The following SLIT3 variants were observed in gnomAD, a reference collection of about 807,000 sequenced individuals.
SLIT3 encodes the protein slit guidance ligand 3.
Under a neutral mutation model 184.0 loss-of-function variants are expected in SLIT3, and 68 were observed. The observed-to-expected ratio is 0.37, with a 90% CI of 0.30 to 0.45. The LOEUF (loss-of-function observed/expected upper bound fraction) is 0.45, where lower values mean the gene tolerates loss of function less well. Ranked by LOEUF, SLIT3 falls within the 20% of genes least tolerant of loss-of-function variation. The pLI is 1.00. For missense variants in SLIT3, 1,707 were observed against 2,026.0 expected (o/e 0.84, Z 3.02); for synonymous variants, 831 against 828.6 (o/e 1.00, Z -0.05).
chr5:168,909,292 T>TA (rs902953088), intron 4 of SLIT3, among the ~76,000 whole-genome samples: 15 of 151,772 alleles, frequency 9.9e-5, no homozygotes, highest in Admixed American at 2.6e-4. Flanking sequence ...GCAAATTCTT[T>TA]AAAAAAAAAT....
chr5:168,848,625 G>A (rs1259330095), intron 5 of SLIT3, among the ~76,000 whole-genome samples: 1 of 152,128 alleles, frequency 6.6e-6, no homozygotes, highest in African/African-American at 2.4e-5. Flanking sequence ...CAAACAATAT[G>A]AGTGCTAAAA....
intron 3 of SLIT3, among the ~76,000 whole-genome samples, chr5:169,197,812 T>TAA (rs34341770): frequency 6.7e-5 from 10 of 148,358 alleles, no homozygotes; most frequent in East Asian, 3.9e-4. Flanking sequence ...AGCATAAAGG[T>TAA]AAAAAAAAAA....
chr5:169,119,219 T>C (rs549719949), intron 4 of SLIT3, among the ~76,000 whole-genome samples: 21 of 152,196 alleles, frequency 1.4e-4, no homozygotes, highest in Non-Finnish European at 2.6e-4. Flanking sequence ...TCTTCAGCCT[T>C]GTTACGCAGA....
chr5:169,050,067 A>C (rs753456774), intron 4 of SLIT3, among the ~76,000 whole-genome samples: 3 of 152,156 alleles, frequency 2.0e-5, no homozygotes, highest in Non-Finnish European at 4.4e-5. Flanking sequence ...AGATAAAAGA[A>C]GAGGTGTGTA....
intron 1 of SLIT3, among the ~76,000 whole-genome samples, chr5:169,276,504 G>C (rs1231322804): frequency 6.6e-6 from 1 of 152,150 alleles, no homozygotes; most frequent in African/African-American, 2.4e-5. Context: ...GAACAAAGAG[G>C]ATATTTCCTG....
chr5:168,894,668 G>C (rs908135421), intron 4 of SLIT3, among the ~76,000 whole-genome samples: 6 of 152,284 alleles, frequency 3.9e-5, no homozygotes, highest in South Asian at 2.1e-4. Flanking sequence ...GGGAAGGTAG[G>C]CTAAGTGGAC....
At chr5:168,723,812 A>T (rs1202646368) in intron 21 of SLIT3, among the ~76,000 whole-genome samples, 1 of 152,170 alleles carries the variant, frequency 6.6e-6, no homozygotes, top group East Asian at 1.9e-4. Flanking sequence ...ATGCCCAGGT[A>T]TTCTGATTTA....
At chr5:168,888,756 G>T (rs145605314) in intron 4 of SLIT3, among the ~76,000 whole-genome samples, 1 of 152,130 alleles carries the variant, frequency 6.6e-6, no homozygotes, top group Non-Finnish European at 1.5e-5. Context: ...TAAAATAGGG[G>T]ATGATCTTCA....
chr5:168,777,387 T>C (rs1244134567), intron 12 of SLIT3, among the ~76,000 whole-genome samples: 1 of 152,198 alleles, frequency 6.6e-6, no homozygotes, highest in Admixed American at 6.5e-5. Context: ...TATTAGGCAC[T>C]AGACAAGGAC....
intron 4 of SLIT3, among the ~76,000 whole-genome samples, chr5:169,166,891 C>T (rs1762654724): frequency 6.6e-6 from 1 of 152,196 alleles, no homozygotes; most frequent in Non-Finnish European, 1.5e-5. Flanking sequence ...ACTGGCCATG[C>T]ACGGCGGCTC....
In SLIT3 at chr5:168,767,318, T is replaced by C. The variant is rs79780667; in HGVS notation, c.1460-4629A>G. Among the ~76,000 whole-genome samples, 355 of 152,258 alleles carry C rather than the reference T, an allele frequency of 2.3e-3. 2 individuals are homozygous for C. The highest frequency in any genetic ancestry group is 7.7e-3 in the African/African-American group (319 of 41,538). On this transcript the variant is annotated intron_variant, in intron 14 of 35. Transcript: ENST00000519560. The stretch of plus-strand genomic sequence containing the variant: ...CCCACCTTAGCTCTCTCTTGCAGAA[T>C]AGGACAAAGACTCCAGGACAGGAAT...
intron 4 of SLIT3, among the ~76,000 whole-genome samples, chr5:168,955,841 T>C (rs1441002530): frequency 6.6e-6 from 1 of 152,146 alleles, no homozygotes; most frequent in African/African-American, 2.4e-5. Context: ...CATTGTGACA[T>C]GTGATGGAAT....
At chr5:169,158,357 C>T (rs986253098) in intron 4 of SLIT3, among the ~76,000 whole-genome samples, 1 of 151,606 alleles carries the variant, frequency 6.6e-6, no homozygotes, top group African/African-American at 2.4e-5. Context: ...ATCTGTCAAC[C>T]CAGAATTCTA....
At chr5:168,795,076 G>C (rs1212716721) in intron 10 of SLIT3, among the ~76,000 whole-genome samples, 2 of 152,166 alleles carry the variant, frequency 1.3e-5, no homozygotes, top group Non-Finnish European at 2.9e-5. Context: ...ACATTCACTT[G>C]GTATTTGTTA....
chr5:169,142,074 AAAATAAAAATAAATAAATAAAT>A lies in SLIT3; in HGVS notation c.413+51383_413+51404del, dbSNP rs1304523647. Among the ~76,000 whole-genome samples the A allele has an allele frequency of 8.9e-4, 120 of 135,476 alleles. 1 individual carries two copies. Among genetic ancestry groups the A allele is most frequent in the African/African-American group, 3.1e-3 (106 of 34,534 alleles). The allele number at this position is 135,476 out of a possible 152,430, so 88.9% of individuals were successfully genotyped here. A position where few individuals can be genotyped will look rare whatever the true frequency, so the allele number is the denominator to read the frequency against. Reference sequence around the variant, plus strand: ...CAAAAAAAAAATAAAAATAAAAATAAAAATAAAAATAAATAAATAAATAAATAAATAAATAAATAAATAAATA... The same window carrying A: ...CAAAAAAAAAATAAAAATAAAAATAAAAATAAATAAATAAATAAATAAATA... On this transcript the variant is annotated intron_variant, in intron 4 of 35. Transcript: ENST00000519560.
At chr5:168,857,361 G>A (rs1758920304) in intron 5 of SLIT3, among the ~76,000 whole-genome samples, 1 of 148,140 alleles carries the variant, frequency 6.8e-6, no homozygotes, top group African/African-American at 2.5e-5. Context: ...TTTGCCAGCA[G>A]TAGAGTTTTT....
rs886664554 is a variant in SLIT3, at chr5:169,193,660, T to G, written c.342-110A>C. On this transcript the variant is annotated intron_variant, in intron 3 of 35. Coordinates refer to ENST00000519560, the MANE Select transcript of SLIT3 (RefSeq NM_003062.4). ...AATCAATCAATAGGCATTAAGAGAC[T>G]CTCTACGTCTTTCAGTATGGGCTGC... 2.4e-5 allele frequency: 20 copies of G among 826,882 alleles called. No individual in the cohort carries two copies. The African/African-American group carries it at 3.2e-4, about 13-fold the overall frequency. 51.2% of individuals were successfully genotyped at this position (826,882 alleles called of 1,614,324 possible).
chr5:168,682,808 C>G (rs1761630584), intron 32 of SLIT3, among the ~76,000 whole-genome samples: 1 of 152,154 alleles, frequency 6.6e-6, no homozygotes, highest in Non-Finnish European at 1.5e-5. Flanking sequence ...TCTGAGGGGA[C>G]AGTGTGGCCT....
At chr5:168,916,858 A>G (rs1477262606) in intron 4 of SLIT3, among the ~76,000 whole-genome samples, 1 of 152,116 alleles carries the variant, frequency 6.6e-6, no homozygotes, top group Non-Finnish European at 1.5e-5. Flanking sequence ...CCACTGGGGA[A>G]GCCTTATACA....
Sources: allele counts gnomAD v4.1 joint callset (sites outside exome capture counted in the v4.1 genomes callset), GRCh38; gene constraint gnomAD v4.1.1; transcripts MANE v1.5; gene names NCBI Gene and HGNC (gene_info 2026-07-23, HGNC 2026-07-21).